The following UBA3 variants were observed in gnomAD, a reference collection of about 807,000 sequenced individuals.
UBA3 encodes the protein ubiquitin like modifier activating enzyme 3, also known as NEDD8-activating enzyme E1 catalytic subunit.
A neutral mutation model predicts 73.5 loss-of-function variants in UBA3; 26 were observed. The observed-to-expected ratio is 0.35, with a 90% confidence interval of 0.26 to 0.49. UBA3 has a LOEUF of 0.49. UBA3 is among the 20% of genes least tolerant of loss of function. The pLI is 0.98. For missense variants in UBA3, 495 were observed against 555.6 expected, an observed-to-expected ratio of 0.89 and a Z score of 1.10; for synonymous variants, 217 against 191.2, an observed-to-expected ratio of 1.13 and a Z score of -1.11.
In UBA3 at chr3:69,064,126, AG is replaced by A. The variant is rs1213872500; in HGVS notation, c.429-16del. ...TGTTGAAATGTCTGAATACAAGTAA[AG>A]GAACTTAAGCAGCTAAGTTTTAATT... On this transcript the variant is annotated splice_polypyrimidine_tract_variant and intron_variant, in intron 6 of 17. Transcript: ENST00000361055. 6.3e-7 allele frequency: 1 copy of A among 1,595,820 alleles called. No individual in the cohort carries two copies. The highest frequency in any genetic ancestry group is 1.1e-5 in the South Asian group (1 of 87,184).
intron 5 of UBA3, among the ~76,000 whole-genome samples, chr3:69,070,338 C>T (rs144160261): frequency 6.6e-6 from 1 of 152,234 alleles, no homozygotes; most frequent in Admixed American, 6.5e-5. Context: ...TATTTTAATC[C>T]ATACTTCAGT....
Position 69,062,041 on chromosome 3 carries a change from T to C in UBA3, c.796+36A>G, listed in dbSNP as rs572101657. The C allele has an allele frequency of 8.1e-6, 12 of 1,482,262 alleles. No individual in the cohort carries two copies. The African/African-American group carries it at 1.4e-4, about 17-fold the overall frequency. The allele number at this position is 1,482,262 out of a possible 1,614,324, so 91.8% of individuals were successfully genotyped here. On this transcript the variant is annotated intron_variant, in intron 10 of 17. Coordinates refer to ENST00000361055, the MANE Select transcript of UBA3 (RefSeq NM_003968.4). Reference sequence around the variant, plus strand: ...GAATAATATAGAAAAAATATGTATTTTATGTAATTCTAGATTATTAAATTA... The same window carrying C: ...GAATAATATAGAAAAAATATGTATTCTATGTAATTCTAGATTATTAAATTA...
chr3:69,064,245 A>G (rs1303522966), intron 6 of UBA3, 134 bp from the exon 7 acceptor site: 25 of 700,748 alleles, frequency 3.6e-5, no homozygotes, highest in Non-Finnish European at 5.1e-5. Flanking sequence ...GTGGAATTCA[A>G]GGAATCTGAC....
intron 12 of UBA3, among the ~76,000 whole-genome samples, 198 bp downstream of exon 12, chr3:69,057,058 A>T (rs1354327516): frequency 6.6e-6 from 1 of 152,206 alleles, no homozygotes; most frequent in Non-Finnish European, 1.5e-5. Flanking sequence ...TGGAACTAAA[A>T]CGTCTCTTTA....
At chr3:69,060,747 A>G (rs372588043) in intron 11 of UBA3, among the ~76,000 whole-genome samples, 11 of 152,304 alleles carry the variant, frequency 7.2e-5, no homozygotes, top group South Asian at 4.1e-4. Context: ...TTGGACCGTT[A>G]GGGCAGATCC....
chr3:69,067,408 A>G (rs901573246), intron 6 of UBA3, among the ~76,000 whole-genome samples: 4 of 152,212 alleles, frequency 2.6e-5, no homozygotes, highest in African/African-American at 4.8e-5. Flanking sequence ...GACTTTCTAC[A>G]TAGAAATCAC....
At chr3:69,066,809 C>T (rs2092075693) in intron 6 of UBA3, among the ~76,000 whole-genome samples, 1 of 152,152 alleles carries the variant, frequency 6.6e-6, no homozygotes. Context: ...CATCTTTTAA[C>T]TATGGATATG....
At chr3:69,058,021 T>C (rs990769226) in intron 11 of UBA3, among the ~76,000 whole-genome samples, 17 of 148,420 alleles carry the variant, frequency 1.1e-4, no homozygotes, top group Non-Finnish European at 1.6e-4. Context: ...AGCTCCGCCT[T>C]CTGGGTTCAC....
rs1442282925 is a variant in UBA3 at position 69,054,958 on chromosome 3, T to C, written c.*479A>G. ...AACAAGATAAATTCTGCAATAATATTCATTTGGATGGCCACAATTAAATGA... is the reference window on the plus strand; with the variant it reads ...AACAAGATAAATTCTGCAATAATATCCATTTGGATGGCCACAATTAAATGA... On this transcript the variant is annotated 3_prime_UTR_variant, in exon 18 of 18. Coordinates refer to ENST00000361055, the MANE Select transcript of UBA3 (RefSeq NM_003968.4). 6.6e-6 allele frequency: 1 copy of C among 152,450 alleles called. No individual in the cohort carries two copies. Among genetic ancestry groups the C allele is most frequent in the East Asian group, 1.9e-4 (1 of 5,190 alleles). 9.4% of individuals were successfully genotyped at this position (152,450 alleles called of 1,614,324 possible).
intron 6 of UBA3, among the ~76,000 whole-genome samples, chr3:69,067,178 T>C (rs1309808643): frequency 6.6e-6 from 1 of 152,210 alleles, no homozygotes. Context: ...CTTTACTATA[T>C]TTAATCTTCC....
intron 4 of UBA3, among the ~76,000 whole-genome samples, chr3:69,072,544 C>A (rs1575844580): frequency 6.6e-6 from 1 of 152,204 alleles, no homozygotes; most frequent in African/African-American, 2.4e-5. Context: ...ACTTCCTCCA[C>A]CCTAAAACAT....
chr3:69,059,589 A>G (rs1056805089), intron 11 of UBA3, among the ~76,000 whole-genome samples: 3 of 152,180 alleles, frequency 2.0e-5, no homozygotes, highest in Non-Finnish European at 4.4e-5. Context: ...CGGGAGTATT[A>G]AAGCTCTAAG....
chr3:69,063,958 G>T, intron 7 of UBA3, 110 bp downstream of exon 7: 1 of 930,980 alleles, frequency 1.1e-6, no homozygotes, highest in Non-Finnish European at 1.7e-6. Context: ...AACAGTGAGA[G>T]AGGAAAGCAA....
intron 2 of UBA3, 39 bp from the exon 3 acceptor site, chr3:69,077,957 ATG>A: frequency 6.2e-7 from 1 of 1,607,140 alleles, no homozygotes; most frequent in Non-Finnish European, 8.5e-7. Context: ...AAAGATCAGT[ATG>A]AAAAAAACCA....
At chr3:69,062,856 C>G (rs1020641538) in intron 9 of UBA3, 126 bp downstream of exon 9, 25 of 1,167,648 alleles carry the variant, frequency 2.1e-5, no homozygotes, top group Non-Finnish European at 1.2e-6. Flanking sequence ...TATCTTTCTT[C>G]TTAGTGTAAT....
intron 4 of UBA3, among the ~76,000 whole-genome samples, chr3:69,072,800 C>T (rs892964127): frequency 6.6e-6 from 1 of 152,174 alleles, no homozygotes; most frequent in Non-Finnish European, 1.5e-5. Context: ...TCCAGATCTT[C>T]CTCATTGCAG....
Position 69,063,151 on chromosome 3 carries a change from T to C in UBA3, c.538-14A>G. The C allele has an allele frequency of 6.2e-7, 1 of 1,613,206 alleles. No individual in the cohort carries two copies. Among genetic ancestry groups the C allele is most frequent in the Non-Finnish European group, 8.5e-7 (1 of 1,179,662 alleles). ...TAGAAGAGATATCTAGGAAAACAAT[T>C]TGAAGGGCTTTAAAGGAGAAGGGGA... On this transcript the variant is annotated splice_polypyrimidine_tract_variant and intron_variant, in intron 8 of 17. Transcript: ENST00000361055.
intron 17 of UBA3, 116 bp downstream of exon 17, chr3:69,055,735 T>C (rs2091966944): frequency 9.6e-7 from 1 of 1,041,934 alleles, no homozygotes; most frequent in South Asian, 1.5e-5. Flanking sequence ...TTGTAAGTAA[T>C]TATTACCTGA....
chr3:69,061,939 A>T lies in UBA3; in HGVS notation c.797-12T>A, dbSNP rs140381970. On this transcript the variant is annotated splice_polypyrimidine_tract_variant and intron_variant, in intron 10 of 17. Coordinates refer to ENST00000361055, the MANE Select transcript of UBA3 (RefSeq NM_003968.4). ...TAATGGAACCCCTTCTGTTTAAAAA[A>T]AAAAAGGGAGAGAGAGAGAGAGAGA... 2 of 1,557,906 alleles carry T rather than the reference A, an allele frequency of 1.3e-6. No homozygotes were observed. Among genetic ancestry groups the T allele is most frequent in the Non-Finnish European group, 1.7e-6 (2 of 1,148,476 alleles).
Sources: gnomAD v4.1 joint callset for allele counts (sites outside exome capture counted in the v4.1 genomes callset) on GRCh38, gnomAD v4.1.1 for gene constraint, MANE v1.5 for transcripts, NCBI Gene and HGNC (gene_info 2026-07-23, HGNC 2026-07-21) for gene names.